The following CRACD variants were observed in gnomAD, a reference collection of about 807,000 sequenced individuals.
CRACD encodes capping protein-inhibiting regulator of actin dynamics.
CRACD carries 56 observed loss-of-function variants against 106.8 expected under a neutral mutation model. That is an observed-to-expected ratio of 0.52 (90% confidence interval 0.42 to 0.66). The LOEUF is 0.66. Ranked by LOEUF, CRACD falls within the 30% of genes least tolerant of loss-of-function variation. CRACD has a pLI of 0.00. For synonymous variants in CRACD, 754 were observed against 670.8 expected (o/e 1.12, Z -1.92); for missense variants, 1,730 against 1,623.2 (o/e 1.07, Z -1.13).
intron 2 of CRACD, among the ~76,000 whole-genome samples, chr4:56,190,817 G>A (rs553698346): frequency 6.6e-6 from 1 of 152,224 alleles, no homozygotes; most frequent in Admixed American, 6.5e-5. Flanking sequence ...GATTCTGTGT[G>A]GGGGGAATCC....
At chr4:56,202,886 G>C (rs1158592187) in intron 2 of CRACD, among the ~76,000 whole-genome samples, 1 of 152,044 alleles carries the variant, frequency 6.6e-6, no homozygotes, top group Admixed American at 6.5e-5. Flanking sequence ...TAAATCTTAA[G>C]ACTAACTTAT....
At chr4:56,301,145 C>G (rs1744343715) in intron 4 of CRACD, 1 of 933,096 alleles carries the variant, frequency 1.1e-6, no homozygotes, top group African/African-American at 1.7e-5. Context: ...GGACCATTAT[C>G]ATAGAAAATG....
At chr4:56,064,033 A>G (rs1007657726) in intron 1 of CRACD, among the ~76,000 whole-genome samples, 1 of 152,206 alleles carries the variant, frequency 6.6e-6, no homozygotes, top group Non-Finnish European at 1.5e-5. Context: ...TTTTGATAAT[A>G]GCCATCCTAA....
chr4:56,236,076 C>A (rs1194127586), intron 2 of CRACD, among the ~76,000 whole-genome samples: 1 of 152,148 alleles, frequency 6.6e-6, no homozygotes, highest in Non-Finnish European at 1.5e-5. Context: ...CAGAATGTGA[C>A]CTTACTTATT....
At chr4:56,059,000 A>G (rs994741943) in intron 1 of CRACD, among the ~76,000 whole-genome samples, 16 of 152,206 alleles carry the variant, frequency 1.1e-4, no homozygotes, top group African/African-American at 3.9e-4. Flanking sequence ...AAATATTTAC[A>G]GATTATCATT....
At chr4:56,205,064 G>A (rs1738054536) in intron 2 of CRACD, among the ~76,000 whole-genome samples, 1 of 152,136 alleles carries the variant, frequency 6.6e-6, no homozygotes. Flanking sequence ...CCTGAGGTGG[G>A]AAGATTGCTT....
chr4:56,270,638 T>A (rs1466783441), intron 2 of CRACD, among the ~76,000 whole-genome samples: 1 of 152,172 alleles, frequency 6.6e-6, no homozygotes, highest in East Asian at 1.9e-4. Flanking sequence ...TTTCCTGTGA[T>A]GTAGGCATGC....
rs145157699 is a variant in CRACD at position 56,262,002 on chromosome 4, C to G, written c.-188-10319C>G. ...GAAATGGGGAATATAGCATTATACCCAAAAGAGTCACCGTACTAAAAAGAG... is the reference window on the plus strand; with the variant it reads ...GAAATGGGGAATATAGCATTATACCGAAAAGAGTCACCGTACTAAAAAGAG... On this transcript the variant is annotated intron_variant, in intron 2 of 10. Transcript: ENST00000682029. Among the ~76,000 whole-genome samples the G allele has an allele frequency of 2.3e-3, 353 of 152,174 alleles. 3 individuals carry two copies. The highest frequency in any genetic ancestry group is 7.9e-3 in the African/African-American group (326 of 41,510).
intron 2 of CRACD, among the ~76,000 whole-genome samples, chr4:56,257,079 C>CTTTTTTTTTTT (rs566765737): frequency 8.7e-6 from 1 of 114,510 alleles, no homozygotes; most frequent in African/African-American, 3.3e-5. Flanking sequence ...TTTTGATGTT[C>CTTTTTTTTTTT]TTTTTTTTTT....
In CRACD at chr4:56,055,980, T is replaced by C. The variant is rs1318248729; in HGVS notation, c.-336+6681T>C. Reference sequence around the variant, plus strand: ...CCTGTGCACATTTGTATTATTTTTATAGCATTATCTTAATAGATAGAAGAT... The same window carrying C: ...CCTGTGCACATTTGTATTATTTTTACAGCATTATCTTAATAGATAGAAGAT... On this transcript the variant is annotated intron_variant, in intron 1 of 10. Transcript: ENST00000682029. Among the ~76,000 whole-genome samples, 7 of 152,250 alleles carry C rather than the reference T, an allele frequency of 4.6e-5. No homozygotes were observed. In the East Asian group the frequency reaches 1.3e-3, roughly 29 times the overall value.
intron 1 of CRACD, among the ~76,000 whole-genome samples, chr4:56,177,075 T>C (rs1421940344): frequency 6.6e-6 from 1 of 152,226 alleles, no homozygotes; most frequent in Non-Finnish European, 1.5e-5. Flanking sequence ...AATTGCTCTA[T>C]CTAGGACTTC....
chr4:56,216,256 A>G (rs909577285), intron 2 of CRACD: 5 of 152,216 alleles, frequency 3.3e-5, no homozygotes, highest in African/African-American at 4.8e-5. Context: ...CTCTCCCCCA[A>G]CCAGATTTCC....
chr4:56,154,073 G>C (rs1011941969), intron 1 of CRACD, among the ~76,000 whole-genome samples: 14 of 152,356 alleles, frequency 9.2e-5, no homozygotes, highest in African/African-American at 2.9e-4. Context: ...TTAGAAGAGA[G>C]TCACTGTGGT....
intron 2 of CRACD, among the ~76,000 whole-genome samples, chr4:56,193,817 T>C (rs1395792400): frequency 2.0e-5 from 3 of 152,206 alleles, no homozygotes; most frequent in Non-Finnish European, 4.4e-5. Flanking sequence ...TTCTGTTTTT[T>C]TTTTATATTC....
chr4:56,314,477 C>T lies in CRACD; in HGVS notation c.975C>T (p.Ala325=). 1 of 1,530,744 alleles carries T rather than the reference C, an allele frequency of 6.5e-7. No homozygotes were observed. The highest frequency in any genetic ancestry group is 2.1e-5 in the Admixed American group (1 of 48,128). 94.8% of individuals were successfully genotyped at this position (1,530,744 alleles called of 1,614,324 possible). A position where few individuals can be genotyped will look rare whatever the true frequency, so the allele number is the denominator to read the frequency against. The change falls in exon 8 of 11, where the codon GCC becomes GCT. Residue 325 remains alanine, a synonymous_variant. Transcript: ENST00000682029. The surrounding 1 kb of genome is among the most constrained non-coding windows in gnomAD (Gnocchi z 4.4). ...EAEEERRRLQ[A]QAQAEERRRL... The stretch of plus-strand genomic sequence containing the variant: ...AGGAGGAGCGAAGGCGTCTGCAGGC[C>T]CAGGCCCAAGCGGAGGAGAGGCGGC...
At chr4:56,249,660 T>TG (rs1408870552) in intron 2 of CRACD, among the ~76,000 whole-genome samples, 1 of 152,172 alleles carries the variant, frequency 6.6e-6, no homozygotes, top group East Asian at 1.9e-4. Flanking sequence ...AGAGACCCCT[T>TG]GGAGTATTTT....
chr4:56,176,682 G>C (rs575314715), intron 1 of CRACD, among the ~76,000 whole-genome samples: 10 of 151,970 alleles, frequency 6.6e-5, no homozygotes, highest in Non-Finnish European at 1.3e-4. Context: ...TGATCCACCT[G>C]CCTTGGCCTC....
At chr4:56,299,995 G>C (rs1445222717) in intron 4 of CRACD, among the ~76,000 whole-genome samples, 2 of 151,864 alleles carry the variant, frequency 1.3e-5, no homozygotes, top group African/African-American at 4.8e-5. Context: ...AAAATTAGCT[G>C]GGCGTGGTGG....
intron 1 of CRACD, among the ~76,000 whole-genome samples, chr4:56,163,858 G>A (rs1736045821): frequency 6.6e-6 from 1 of 152,022 alleles, no homozygotes. Flanking sequence ...TGATTCTCAT[G>A]CCTCAGCTTC....
Sources: allele counts gnomAD v4.1 joint callset (sites outside exome capture counted in the v4.1 genomes callset), GRCh38; gene constraint gnomAD v4.1.1; non-coding constraint Gnocchi (gnomAD v3.1); transcripts MANE v1.5; gene names NCBI Gene and HGNC (gene_info 2026-07-23, HGNC 2026-07-21).